GPC5: variants seen among roughly 807,000 people sequenced by gnomAD.
GPC5 encodes glypican-5.
GPC5 carries 47 observed loss-of-function variants against 53.9 expected under a neutral mutation model. That is an observed-to-expected ratio of 0.87 (90% confidence interval 0.69 to 1.11). The LOEUF (loss-of-function observed/expected upper bound fraction) is 1.11. Among genes scored for constraint, GPC5 ranks in the 50% most tolerant of loss-of-function variants. GPC5 has a pLI of 0.00. For missense variants in GPC5, 748 were observed against 713.1 expected (o/e 1.05, Z -0.56); for synonymous variants, 286 against 263.3 (o/e 1.09, Z -0.84).
At chr13:91,426,691 G>A (rs1242975383) in intron 1 of GPC5, among the ~76,000 whole-genome samples, 1 of 152,198 alleles carries the variant, frequency 6.6e-6, no homozygotes, top group African/African-American at 2.4e-5. Context: ...GAGGCCAGAA[G>A]ACTTAGCCTG....
chr13:92,131,283 T>C (rs1052856457), intron 6 of GPC5, among the ~76,000 whole-genome samples: 1 of 152,006 alleles, frequency 6.6e-6, no homozygotes, highest in African/African-American at 2.4e-5. Context: ...CGATATCTAC[T>C]AAAGTTAAAT....
intron 7 of GPC5, among the ~76,000 whole-genome samples, chr13:92,507,902 T>C (rs1566620395): frequency 6.6e-6 from 1 of 152,214 alleles, no homozygotes; most frequent in Non-Finnish European, 1.5e-5. Context: ...GTATATTGAA[T>C]GGATCTATTG....
chr13:92,464,243 A>C (rs2139413873), intron 7 of GPC5, among the ~76,000 whole-genome samples: 1 of 152,240 alleles, frequency 6.6e-6, no homozygotes, highest in Admixed American at 6.5e-5. Context: ...GTGTTGCTTA[A>C]GACCCACTCC....
intron 7 of GPC5, among the ~76,000 whole-genome samples, chr13:92,415,238 T>C (rs1186959181): frequency 6.6e-6 from 1 of 152,166 alleles, no homozygotes; most frequent in African/African-American, 2.4e-5. Flanking sequence ...AACAGAAGCA[T>C]TATTTTTAAA....
chr13:91,883,525 G>GA (rs1379792713), intron 5 of GPC5, among the ~76,000 whole-genome samples: 1 of 152,170 alleles, frequency 6.6e-6, no homozygotes, highest in East Asian at 1.9e-4. Flanking sequence ...ATGCTCTGCT[G>GA]AAAAAAGAGC....
At chr13:91,702,642 A>G (rs1294173758) in intron 3 of GPC5, among the ~76,000 whole-genome samples, 1 of 151,976 alleles carries the variant, frequency 6.6e-6, no homozygotes, top group Non-Finnish European at 1.5e-5. Flanking sequence ...GTTCCATACA[A>G]ATTTTAGGAT....
chr13:92,038,673 T>TATAGATAGATAGATAG (rs56923365), intron 6 of GPC5, among the ~76,000 whole-genome samples: 1 of 147,814 alleles, frequency 6.8e-6, no homozygotes, highest in Non-Finnish European at 1.5e-5. Context: ...TACAAATCTA[T>TATAGATAGATAGATAG]ATAGATAGAT....
chr13:92,338,121 A>G (rs1271758743), intron 7 of GPC5, among the ~76,000 whole-genome samples: 2 of 152,150 alleles, frequency 1.3e-5, no homozygotes, highest in Admixed American at 6.6e-5. Flanking sequence ...ATAAGGAAAC[A>G]TACAACCTGA....
chr13:91,686,622 A>G (rs1389263813), intron 2 of GPC5, among the ~76,000 whole-genome samples: 1 of 152,030 alleles, frequency 6.6e-6, no homozygotes, highest in East Asian at 1.9e-4. Context: ...TGGTCTTCTG[A>G]AAATCAAAAG....
intron 7 of GPC5, among the ~76,000 whole-genome samples, chr13:92,850,996 A>T (rs1878779941): frequency 6.6e-6 from 1 of 152,192 alleles, no homozygotes; most frequent in Non-Finnish European, 1.5e-5. Context: ...GCATGGAGGC[A>T]TCTAGCCCTG....
intron 7 of GPC5, among the ~76,000 whole-genome samples, chr13:92,855,526 T>C (rs1878969089): frequency 6.6e-6 from 1 of 152,010 alleles, no homozygotes; most frequent in Non-Finnish European, 1.5e-5. Context: ...GCTTGTCAGT[T>C]ACCTTGATCA....
intron 7 of GPC5, among the ~76,000 whole-genome samples, chr13:92,424,970 G>A (rs73631091): frequency 0.024 from 3,590 of 152,062 alleles, 139 homozygotes; most frequent in African/African-American, 0.081. Context: ...GTCTTGATAG[G>A]CTGACATCTT....
In GPC5 at chr13:91,657,131, A is replaced by G. The variant is rs115650000; in HGVS notation, c.326-36056A>G. ...GATACAACTAGATTTGCATTTGTGAATGATCATACTGGCAGGAGAAAGAAG... is the reference window on the plus strand; with the variant it reads ...GATACAACTAGATTTGCATTTGTGAGTGATCATACTGGCAGGAGAAAGAAG... On this transcript the variant is annotated intron_variant, in intron 2 of 7. Coordinates refer to ENST00000377067, the MANE Select transcript of GPC5 (RefSeq NM_004466.6). 9.8e-3 allele frequency among the ~76,000 whole-genome samples: 1,491 copies of G among 152,286 alleles called. 29 individuals carry two copies. The highest frequency in any genetic ancestry group is 0.034 in the African/African-American group (1,398 of 41,572).
At chr13:91,741,041 C>T (rs188513262) in intron 4 of GPC5, among the ~76,000 whole-genome samples, 161 of 152,148 alleles carry the variant, frequency 1.1e-3, no homozygotes, top group African/African-American at 3.7e-3. Context: ...TTTCAGAATG[C>T]ATGATTAAGG....
At chr13:91,427,772 C>A (rs1879157258) in intron 1 of GPC5, among the ~76,000 whole-genome samples, 1 of 152,110 alleles carries the variant, frequency 6.6e-6, no homozygotes, top group Admixed American at 6.5e-5. Flanking sequence ...CCTAAAATTT[C>A]ATCTTGAATT....
At chr13:91,728,708 G>A (rs1472495468) in intron 4 of GPC5, 43 bp downstream of exon 4, 3 of 1,573,856 alleles carry the variant, frequency 1.9e-6, no homozygotes, top group Middle Eastern at 1.7e-4. Context: ...AAGAAAGTAA[G>A]CCATTAATTT....
chr13:91,674,003 T>C (rs975071553), intron 2 of GPC5, among the ~76,000 whole-genome samples: 2 of 152,190 alleles, frequency 1.3e-5, no homozygotes, highest in African/African-American at 4.8e-5. Flanking sequence ...GACTAATATT[T>C]CTTTGCTTAT....
chr13:92,758,994 G>GTTTTT (rs68182839), intron 7 of GPC5, among the ~76,000 whole-genome samples: 1,764 of 70,490 alleles, frequency 0.025, 177 homozygotes, highest in African/African-American at 0.061. Flanking sequence ...TCCCATTGCG[G>GTTTTT]TTTTTTTTTT....
intron 7 of GPC5, among the ~76,000 whole-genome samples, chr13:92,782,193 C>T (rs1876051888): frequency 6.6e-6 from 1 of 152,028 alleles, no homozygotes; most frequent in South Asian, 2.1e-4. Context: ...CATTCATCTC[C>T]TTAGGATAAT....
Sources: allele counts gnomAD v4.1 joint callset (sites outside exome capture counted in the v4.1 genomes callset), GRCh38; gene constraint gnomAD v4.1.1; transcripts MANE v1.5; gene names NCBI Gene and HGNC (gene_info 2026-07-23, HGNC 2026-07-21).